The following CDC14A variants were observed in gnomAD, a reference collection of about 807,000 sequenced individuals.
The protein encoded by CDC14A is cell division cycle 14A.
CDC14A carries 53 observed loss-of-function variants against 74.4 expected under a neutral mutation model. The observed-to-expected ratio is 0.71, with a 90% confidence interval of 0.57 to 0.89. The LOEUF (loss-of-function observed/expected upper bound fraction) is 0.89. CDC14A is among the 40% of genes least tolerant of loss of function. CDC14A has a pLI of 0.00. For missense variants in CDC14A, 646 were observed against 713.7 expected (o/e 0.91, Z 1.08); for synonymous variants, 247 against 258.4 (o/e 0.96, Z 0.43).
chr1:100,491,563 TATA>T (rs1557822213), intron 11 of CDC14A, among the ~76,000 whole-genome samples: 1 of 86,194 alleles, frequency 1.2e-5, no homozygotes, highest in African/African-American at 5.1e-5. Context: ...TATATATATA[TATA>T]TATATATTTT....
chr1:100,380,482 G>GT (rs971790283), intron 3 of CDC14A, among the ~76,000 whole-genome samples: 2 of 152,184 alleles, frequency 1.3e-5, no homozygotes, highest in African/African-American at 4.8e-5. Flanking sequence ...TCCAGTAAGT[G>GT]TTAGGGCCAT....
intron 15 of CDC14A, chr1:100,505,025 CTG>C: frequency 8.3e-7 from 1 of 1,206,588 alleles, no homozygotes; most frequent in Non-Finnish European, 1.1e-6. Context: ...TACATATTGT[CTG>C]TGTATGTAAG....
intron 8 of CDC14A, among the ~76,000 whole-genome samples, chr1:100,457,449 A>T (rs1666819020): frequency 6.6e-6 from 1 of 151,720 alleles, no homozygotes; most frequent in Non-Finnish European, 1.5e-5. Flanking sequence ...GTGTTAATTT[A>T]TTTTTGGTTT....
chr1:100,466,408 A>C (rs1398332113), intron 9 of CDC14A, among the ~76,000 whole-genome samples: 2 of 152,202 alleles, frequency 1.3e-5, no homozygotes, highest in Non-Finnish European at 2.9e-5. Flanking sequence ...AATAGAAGGC[A>C]AATTACGCAG....
intron 10 of CDC14A, among the ~76,000 whole-genome samples, chr1:100,472,354 C>T (rs570671803): frequency 1.3e-5 from 2 of 152,172 alleles, no homozygotes; most frequent in South Asian, 4.1e-4. Flanking sequence ...TGTTTATGTT[C>T]TCATCAGCAA....
intron 4 of CDC14A, among the ~76,000 whole-genome samples, chr1:100,400,062 A>G (rs1194474072): frequency 6.6e-6 from 1 of 152,218 alleles, no homozygotes; most frequent in African/African-American, 2.4e-5. Context: ...GGAACTGCTG[A>G]TAATGGACCT....
At chr1:100,407,881 G>GT (rs1219207788) in intron 4 of CDC14A, among the ~76,000 whole-genome samples, 2 of 151,990 alleles carry the variant, frequency 1.3e-5, no homozygotes, top group African/African-American at 2.4e-5. Flanking sequence ...ACATACTGAT[G>GT]TTTTTTTAAA....
chr1:100,352,710 C>G lies in CDC14A; in HGVS notation c.-245C>G. Reference sequence around the variant, plus strand: ...TGCAGCAGCCGAGTCCAAATAGGAGCGGCCACAGCCAGGGGCGTGAGCGCC... The same window carrying G: ...TGCAGCAGCCGAGTCCAAATAGGAGGGGCCACAGCCAGGGGCGTGAGCGCC... On this transcript the variant is annotated 5_prime_UTR_variant, in exon 1 of 16. Transcript: ENST00000336454. The G allele has an allele frequency of 7.3e-7, 1 of 1,365,112 alleles. No homozygotes were observed. Among genetic ancestry groups the G allele is most frequent in the Non-Finnish European group, 9.4e-7 (1 of 1,063,288 alleles). 84.6% of individuals were successfully genotyped at this position (1,365,112 alleles called of 1,614,324 possible). A position where few individuals can be genotyped will look rare whatever the true frequency, so the allele number is the denominator to read the frequency against.
At chr1:100,432,709 A>G (rs1028176269) in intron 5 of CDC14A, among the ~76,000 whole-genome samples, 2 of 152,218 alleles carry the variant, frequency 1.3e-5, no homozygotes, top group Non-Finnish European at 2.9e-5. Flanking sequence ...TGAGCAAAAT[A>G]CACTACTAAA....
chr1:100,368,910 A>G (rs6675643), intron 2 of CDC14A, among the ~76,000 whole-genome samples: 35,168 of 152,088 alleles, frequency 0.23, 5,389 homozygotes, highest in African/African-American at 0.44. Context: ...ATGTTGCTGC[A>G]AAGATAGAAC....
At chr1:100,420,015 T>C (rs1343369287) in intron 4 of CDC14A, among the ~76,000 whole-genome samples, 5 of 90,812 alleles carry the variant, frequency 5.5e-5, no homozygotes, top group Non-Finnish European at 8.3e-5. Context: ...TATATATACA[T>C]ATATATATAC....
intron 3 of CDC14A, among the ~76,000 whole-genome samples, chr1:100,379,111 T>C (rs891388792): frequency 4.6e-5 from 7 of 152,278 alleles, no homozygotes; most frequent in South Asian, 2.1e-4. Context: ...CCGAGTACTA[T>C]CTAGGGTAGC....
chr1:100,468,679 C>T (rs569415328), intron 10 of CDC14A, among the ~76,000 whole-genome samples: 1 of 152,262 alleles, frequency 6.6e-6, no homozygotes, highest in South Asian at 2.1e-4. Flanking sequence ...TTCCCACAGC[C>T]ATTCATTCAT....
chr1:100,364,623 G>C (rs28361191), intron 2 of CDC14A, among the ~76,000 whole-genome samples: 13,669 of 152,128 alleles, frequency 0.09, 2,122 homozygotes, highest in African/African-American at 0.31. Context: ...TCATCATTCT[G>C]TTTTCTAACA....
chr1:100,353,193 C>G (rs186446420), intron 1 of CDC14A, among the ~76,000 whole-genome samples, 190 bp downstream of exon 1: 21 of 152,344 alleles, frequency 1.4e-4, no homozygotes, highest in African/African-American at 4.8e-4. Flanking sequence ...GTGTCCCTTG[C>G]TCCCTCTGCA....
chr1:100,352,405 G>A (rs1212552325), upstream of CDC14A: 2 of 953,374 alleles, frequency 2.1e-6, no homozygotes, highest in Non-Finnish European at 2.5e-6. Flanking sequence ...TGAAAGTGGA[G>A]GGGGCTGAGG....
chr1:100,390,641 C>T, intron 3 of CDC14A, 91 bp from the exon 4 acceptor site: 1 of 784,404 alleles, frequency 1.3e-6, no homozygotes, highest in Non-Finnish European at 2.2e-6. Context: ...GGTTGTAGCA[C>T]ATCTTGAAGG....
chr1:100,500,254 G>A (rs1240771318), intron 15 of CDC14A, among the ~76,000 whole-genome samples: 1 of 152,136 alleles, frequency 6.6e-6, no homozygotes, highest in Non-Finnish European at 1.5e-5. Context: ...AGCCCTGGGT[G>A]TCTTGGAAGG....
chr1:100,473,235 T>C (rs1461671740), intron 10 of CDC14A, among the ~76,000 whole-genome samples: 1 of 152,158 alleles, frequency 6.6e-6, no homozygotes, highest in Non-Finnish European at 1.5e-5. Flanking sequence ...CTTCTTTGAT[T>C]TCTTTCATCA....
Sources: gnomAD v4.1 joint callset for allele counts (sites outside exome capture counted in the v4.1 genomes callset) on GRCh38, gnomAD v4.1.1 for gene constraint, MANE v1.5 for transcripts, NCBI Gene and HGNC (gene_info 2026-07-23, HGNC 2026-07-21) for gene names.